GRM4: variants seen among roughly 807,000 people sequenced by gnomAD.
GRM4 encodes the protein metabotropic glutamate receptor 4.
GRM4 carries 28 observed loss-of-function variants against 81.7 expected under a neutral mutation model. The observed-to-expected ratio is 0.34, with a 90% CI of 0.25 to 0.47. The LOEUF is 0.47. GRM4 is among the 20% of genes least tolerant of loss of function. The pLI, the probability that GRM4 is intolerant of heterozygous loss-of-function variation, is 1.00. For synonymous variants in GRM4, 488 were observed against 528.8 expected (o/e 0.92, Z 1.06); for missense variants, 948 against 1,290.0 (o/e 0.73, Z 4.06).
At chr6:34,099,348 C>G in intron 2 of GRM4, among the ~76,000 whole-genome samples, 1 of 152,182 alleles carries the variant, frequency 6.6e-6, no homozygotes, top group African/African-American at 2.4e-5. Context: ...GATGCAGGCC[C>G]AGAAGTCCAG....
Position 34,022,953 on chromosome 6 carries a change from C to T in GRM4, c.2690-83G>A, listed in dbSNP as rs1264082869. The T allele has an allele frequency of 9.5e-7, 1 of 1,050,284 alleles. No homozygotes were observed. Among genetic ancestry groups the T allele is most frequent in the Non-Finnish European group, 1.5e-6 (1 of 669,264 alleles). 65.1% of individuals were successfully genotyped at this position (1,050,284 alleles called of 1,614,324 possible). Reference sequence around the variant, plus strand: ...CCTTCCACATGGGCACAGCCCTGCACAAGAACCTACCATAGCTCCCCGCCT... The same window carrying T: ...CCTTCCACATGGGCACAGCCCTGCATAAGAACCTACCATAGCTCCCCGCCT... On this transcript the variant is annotated intron_variant, in intron 10 of 10. Transcript: ENST00000538487. The surrounding 1 kb of genome is among the most constrained non-coding windows in gnomAD (Gnocchi z 5.6).
chr6:34,077,472 C>T (rs35243647), intron 3 of GRM4, among the ~76,000 whole-genome samples: 6,269 of 152,158 alleles, frequency 0.041, 291 homozygotes, highest in African/African-American at 0.11. Flanking sequence ...ACCTGCCACA[C>T]AAACCTCAGC....
In GRM4 at chr6:34,152,978, A is replaced by G. The variant is rs192975586; in HGVS notation, c.312+2101T>C. On this transcript the variant is annotated intron_variant, in intron 1 of 8. Transcript: ENST00000374177. This position sits in a 1 kb window ranked among gnomAD's most constrained non-coding sequence, Gnocchi z 4.1. ...ATGCCAGGTGCTCATCAGAGTCTCC[A>G]CAACAGCCCTGTGATGGACCAGCCA... is the stretch of plus-strand genomic sequence containing the variant. Among the ~76,000 whole-genome samples, 5 of 152,228 alleles carry G rather than the reference A, an allele frequency of 3.3e-5. No individual in the cohort carries two copies. The highest frequency in any genetic ancestry group is 6.5e-5 in the Admixed American group (1 of 15,302).
intron 6 of GRM4, among the ~76,000 whole-genome samples, chr6:34,049,093 C>A (rs928678556): frequency 6.6e-6 from 1 of 151,594 alleles, no homozygotes; most frequent in Non-Finnish European, 1.5e-5. Context: ...TTTCTCTGTT[C>A]CTGCTTACAA....
Position 34,091,174 on chromosome 6 carries a change from G to A in GRM4, c.736+709C>T, listed in dbSNP as rs146281551. Among the ~76,000 whole-genome samples, 399 of 152,290 alleles carry A rather than the reference G, an allele frequency of 2.6e-3. 1 individual carries two copies. Among genetic ancestry groups the A allele is most frequent in the Middle Eastern group, 0.02 (6 of 294 alleles). On this transcript the variant is annotated intron_variant, in intron 3 of 10. Coordinates refer to ENST00000538487, the MANE Select transcript of GRM4 (RefSeq NM_000841.4). Reference sequence around the variant, plus strand: ...CAGACCCAGCCAGGGGCCTGCTCCCGGGCCCTGCTAGGTGGGAGTCACCTG... The same window carrying A: ...CAGACCCAGCCAGGGGCCTGCTCCCAGGCCCTGCTAGGTGGGAGTCACCTG...
intron 6 of GRM4, chr6:34,054,309 C>T (rs1284106020): frequency 6.6e-6 from 1 of 151,838 alleles, no homozygotes. Flanking sequence ...TTACAGGTGC[C>T]CACCACTAAA....
At chr6:34,144,257 G>T (rs546901979) in intron 1 of GRM4, among the ~76,000 whole-genome samples, 79 of 152,300 alleles carry the variant, frequency 5.2e-4, no homozygotes, top group African/African-American at 1.6e-3. Context: ...TCTCGCAGTC[G>T]AGGCCTCCAC....
At chr6:34,082,885 C>T (rs1292578818) in intron 3 of GRM4, among the ~76,000 whole-genome samples, 1 of 152,228 alleles carries the variant, frequency 6.6e-6, no homozygotes, top group Admixed American at 6.5e-5. Flanking sequence ...AGGCCGTCTG[C>T]CCCAGTGTCT....
intron 2 of GRM4, among the ~76,000 whole-genome samples, chr6:34,097,903 A>G (rs2127491130): frequency 6.6e-6 from 1 of 152,308 alleles, no homozygotes; most frequent in East Asian, 1.9e-4. Flanking sequence ...GGGCTACCTG[A>G]CAAAGCCCAC....
chr6:34,043,248 A>G (rs1562019657), intron 6 of GRM4, among the ~76,000 whole-genome samples: 1 of 152,202 alleles, frequency 6.6e-6, no homozygotes, highest in Non-Finnish European at 1.5e-5. Context: ...ACAAACAGAC[A>G]GGATGAACAC....
At chr6:34,146,169 ATGCCCCCATG>A (rs1770924874), upstream of GRM4, 1 of 984,906 alleles carries the variant, frequency 1.0e-6, no homozygotes, top group Admixed American at 6.1e-5. Flanking sequence ...CACGTGGCGT[ATGCCCCCATG>A]TGGCATGTTC....
rs3222082 is a variant in GRM4, at chr6:34,069,647, AGTGTGTGTGTGTGTGTGTGTGTGTGT to A, written c.737-7645_737-7620del. On this transcript the variant is annotated intron_variant, in intron 3 of 10. Coordinates refer to ENST00000538487, the MANE Select transcript of GRM4 (RefSeq NM_000841.4). This position sits in a 1 kb window ranked among gnomAD's most constrained non-coding sequence, Gnocchi z 6.4. Reference sequence around the variant, plus strand: ...GGCTTTACAACCCTTGGCAGCCCCCAGTGTGTGTGTGTGTGTGTGTGTGTGTGTGTGTGTGTGTGTGACCCTGAGCG... The same window carrying A: ...GGCTTTACAACCCTTGGCAGCCCCCAGTGTGTGTGTGTGTGACCCTGAGCG... Among the ~76,000 whole-genome samples, 2 of 144,488 alleles carry A rather than the reference AGTGTGTGTGTGTGTGTGTGTGTGTGT, an allele frequency of 1.4e-5. No homozygotes were observed. The highest frequency in any genetic ancestry group is 6.8e-5 in the Admixed American group (1 of 14,630). The allele number at this position is 144,488 out of a possible 152,430, so 94.8% of individuals were successfully genotyped here. A position where few individuals can be genotyped will look rare whatever the true frequency, so the allele number is the denominator to read the frequency against.
rs1770475074 is a variant in GRM4, at chr6:34,136,744, C to T, written c.-363-2885G>A. Among the ~76,000 whole-genome samples the T allele has an allele frequency of 1.3e-5, 2 of 152,188 alleles. No individual in the cohort carries two copies. The highest frequency in any genetic ancestry group is 4.8e-5 in the African/African-American group (2 of 41,458). On this transcript the variant is annotated intron_variant, in intron 1 of 10. Transcript: ENST00000538487. The surrounding 1 kb of genome is among the most constrained non-coding windows in gnomAD (Gnocchi z 4.1). The stretch of plus-strand genomic sequence containing the variant: ...TCCCTCCCACAGGACTGGGTCCCAG[C>T]CCCTGCCCACAGGTCCCTATCCACC...
intron 2 of GRM4, among the ~76,000 whole-genome samples, chr6:34,098,540 C>T (rs1768659937): frequency 6.6e-6 from 1 of 152,230 alleles, no homozygotes; most frequent in Non-Finnish European, 1.5e-5. Context: ...AGATCCCCAC[C>T]TGCCTGGCGC....
chr6:34,101,698 C>G (rs562101354), intron 2 of GRM4, among the ~76,000 whole-genome samples: 2 of 152,228 alleles, frequency 1.3e-5, no homozygotes, highest in Admixed American at 6.5e-5. Context: ...CACAAAAGAT[C>G]GGGCAGGAGC....
At position 34,111,002 on chromosome 6, in the gene GRM4, G is replaced by A. The variant is rs1769353836; in HGVS notation, c.520-18903C>T. 2 of 370,078 alleles carry A rather than the reference G, an allele frequency of 5.4e-6. No homozygotes were observed. Among genetic ancestry groups the A allele is most frequent in the Non-Finnish European group, 8.8e-6 (2 of 227,506 alleles). 22.9% of individuals were successfully genotyped at this position (370,078 alleles called of 1,614,324 possible). ...CAAGCGGAGACAGGGCTCCCCATGG[G>A]CACCCTCAGGCTGCCAAGGCTTGGG... On this transcript the variant is annotated intron_variant, in intron 2 of 10. Coordinates refer to ENST00000538487, the MANE Select transcript of GRM4 (RefSeq NM_000841.4). This position sits in a 1 kb window ranked among gnomAD's most constrained non-coding sequence, Gnocchi z 5.1.
At chr6:34,144,490 C>T (rs1292178803) in intron 1 of GRM4, among the ~76,000 whole-genome samples, 2 of 152,228 alleles carry the variant, frequency 1.3e-5, no homozygotes, top group African/African-American at 2.4e-5. Flanking sequence ...ACCCTGAAGT[C>T]CTGGGGCTGC....
intron 3 of GRM4, among the ~76,000 whole-genome samples, chr6:34,088,227 A>G (rs1768015337): frequency 6.6e-6 from 1 of 151,982 alleles, no homozygotes; most frequent in Admixed American, 6.6e-5. Flanking sequence ...GGTTCAAGCG[A>G]TTCTCTTGCC....
At chr6:34,082,379 C>T (rs1444820970) in intron 3 of GRM4, among the ~76,000 whole-genome samples, 1 of 152,218 alleles carries the variant, frequency 6.6e-6, no homozygotes. Flanking sequence ...ACAAGACACA[C>T]AGGAAGCCAG....
Sources: allele counts gnomAD v4.1 joint callset (sites outside exome capture counted in the v4.1 genomes callset), GRCh38; gene constraint gnomAD v4.1.1; non-coding constraint Gnocchi (gnomAD v3.1); transcripts MANE v1.5; gene names NCBI Gene and HGNC (gene_info 2026-07-23, HGNC 2026-07-21).